Variants in CD177 observed in about 807,000 individuals in gnomAD.
CD177 encodes the protein CD177 antigen.
Under a neutral mutation model 38.1 loss-of-function variants are expected in CD177, and 41 were observed. That is an observed-to-expected ratio of 1.07 (90% confidence interval 0.84 to 1.39). CD177 has a LOEUF of 1.39. Among genes scored for constraint, CD177 ranks in the 40% most tolerant of loss-of-function variants. CD177 has a pLI of 0.00. For missense variants in CD177, 619 were observed against 523.8 expected, an observed-to-expected ratio of 1.18 and a Z score of -1.77; for synonymous variants, 236 against 216.7, an observed-to-expected ratio of 1.09 and a Z score of -0.78.
chr19:43,354,576 CACT>C, intron 3 of CD177, 184 bp downstream of exon 3: 1 of 640,798 alleles, frequency 1.6e-6, no homozygotes, highest in Non-Finnish European at 2.7e-6. Context: ...CCTCCCCACT[CACT>C]CCCGATCCCT....
chr19:43,364,215 A>G (rs1174741128), downstream of CD177, among the ~76,000 whole-genome samples: 1 of 152,240 alleles, frequency 6.6e-6, no homozygotes, highest in Admixed American at 6.5e-5. Context: ...TTCTTCACCC[A>G]CAATGAGAGA....
At position 43,361,567 on chromosome 19, in the gene CD177, C is replaced by T; in HGVS notation, c.1069C>T (p.His357Tyr). 6.4e-7 allele frequency: 1 copy of T among 1,568,990 alleles called. No homozygotes were observed. Among genetic ancestry groups the T allele is most frequent in the Non-Finnish European group, 8.7e-7 (1 of 1,155,318 alleles). The change falls in exon 8 of 9, where the codon CAT (histidine) becomes TAT (tyrosine). Residue 357 changes from histidine (H) to tyrosine (Y), a missense_variant. Transcript: ENST00000618265. ...GATHCYDGYIHLSGGGLSTKM... is the reference protein window; with the variant it reads ...GATHCYDGYIYLSGGGLSTKM... The stretch of plus-strand genomic sequence containing the variant: ...CACTCATTGTTATGATGGGTACATT[C>T]ATCTCTCAGGAGGTGAGTGCTGCAA...
At position 43,353,968 on chromosome 19, in the gene CD177, G is replaced by C. The variant is rs201150439; in HGVS notation, c.168G>C (p.Gln56His). ...NTSCDSGLGC[Q>H]DTLMLIESGP... is the part of the protein sequence containing the mutation. ...GCTGCGACAGCGGCTTGGGGTGCCA[G>C]GACACGTTGATGCTCATTGAGAGCG... The change falls in exon 2 of 9, where the codon CAG becomes CAC. Residue 56 changes from glutamine (Q) to histidine (H), a missense_variant. By Grantham distance (24) the Gln-to-His change is conservative. Transcript: ENST00000618265. 1,379 of 1,613,884 alleles carry C rather than the reference G, an allele frequency of 8.5e-4. 3 individuals are homozygous for C. Among genetic ancestry groups the C allele is most frequent in the Middle Eastern group, 9.9e-4 (6 of 6,056 alleles).
In CD177 at chr19:43,363,036, T is replaced by G. The variant is rs1392301833; in HGVS notation, c.*716T>G. 1 of 152,232 alleles carries G rather than the reference T, an allele frequency of 6.6e-6. No individual in the cohort carries two copies. The highest frequency in any genetic ancestry group is 1.5e-5 in the Non-Finnish European group (1 of 68,054). 9.4% of individuals were successfully genotyped at this position (152,232 alleles called of 1,614,324 possible). A position where few individuals can be genotyped will look rare whatever the true frequency, so the allele number is the denominator to read the frequency against. Reference sequence around the variant, plus strand: ...GATGGACGCTAGAGTCGACTGCTCCTAGGCTACAAGCCTGCAGTGCATGTT... The same window carrying G: ...GATGGACGCTAGAGTCGACTGCTCCGAGGCTACAAGCCTGCAGTGCATGTT... On this transcript the variant is annotated 3_prime_UTR_variant, in exon 9 of 9. Transcript: ENST00000618265.
chr19:43,363,194 G>A (rs1012994214), downstream of CD177: 3 of 152,282 alleles, frequency 2.0e-5, no homozygotes, highest in Non-Finnish European at 2.9e-5. Context: ...TACGCAATTC[G>A]TCGCTGACCC....
chr19:43,362,110 C>T lies in CD177; in HGVS notation c.1104C>T (p.Ser368=). 2 of 1,613,722 alleles carry T rather than the reference C, an allele frequency of 1.2e-6. No homozygotes were observed. Among genetic ancestry groups the T allele is most frequent in the Non-Finnish European group, 1.7e-6 (2 of 1,179,694 alleles). ...LSGGGLSTKM[S]IQGCVAQPSS... is the part of the protein sequence containing the mutation. Reference sequence around the variant, plus strand: ...TAGGTGGGCTGTCCACCAAAATGAGCATTCAGGGCTGCGTGGCCCAACCTT... The same window carrying T: ...TAGGTGGGCTGTCCACCAAAATGAGTATTCAGGGCTGCGTGGCCCAACCTT... The change falls in exon 9 of 9, where the codon AGC becomes AGT. Residue 368 remains serine (S), a synonymous_variant. Transcript: ENST00000618265.
At chr19:43,355,896 G>T (rs2286403) in intron 4 of CD177, 96 bp from the exon 5 acceptor site, 409,739 of 1,425,744 alleles carry the variant, frequency 0.29, 65,158 homozygotes, top group East Asian at 0.67. Flanking sequence ...ACCCAGAGGA[G>T]GGTGGGCCTG....
rs1476803874 is a variant in CD177 at position 43,362,032 on chromosome 19, T to G, written c.1082-56T>G. The G allele has an allele frequency of 2.0e-6, 3 of 1,509,954 alleles. No homozygotes were observed. In the East Asian group the frequency reaches 6.8e-5, roughly 34 times the overall value. 93.5% of individuals were successfully genotyped at this position (1,509,954 alleles called of 1,614,324 possible). A position where few individuals can be genotyped will look rare whatever the true frequency, so the allele number is the denominator to read the frequency against. On this transcript the variant is annotated intron_variant, in intron 8 of 8. Coordinates refer to ENST00000618265, the MANE Select transcript of CD177 (RefSeq NM_020406.4). ...GGTCTGGGGCCTGGACTCCTGGGTT[T>G]ACAACTTGGCTGGGCTGTACTCTGT...
In CD177 at chr19:43,361,526, C is replaced by T. The variant is rs202099095; in HGVS notation, c.1028C>T (p.Thr343Ile). 6.3e-7 allele frequency: 1 copy of T among 1,590,946 alleles called. No individual in the cohort carries two copies. The highest frequency in any genetic ancestry group is 8.6e-7 in the Non-Finnish European group (1 of 1,164,872). The change falls in exon 8 of 9, where the codon ACC becomes ATC. Residue 343 changes from threonine to isoleucine, a missense_variant. Physicochemically the swap from Thr to Ile is moderately conservative, Grantham distance 89 (BLOSUM62 -1). Coordinates refer to ENST00000618265, the MANE Select transcript of CD177 (RefSeq NM_020406.4). ...GTCSSGSPRM[T>I]CPRGATHCYD... ...TGTTCAAGTGGCTCCCCCCGAATGA[C>T]CTGCCCCAGGGGCGCCACTCATTGT...
Position 43,355,646 on chromosome 19 carries a change from C to A in CD177, c.380-15C>A. On this transcript the variant is annotated splice_polypyrimidine_tract_variant and intron_variant, in intron 3 of 8. Coordinates refer to ENST00000618265, the MANE Select transcript of CD177 (RefSeq NM_020406.4). ...CCCTCTCAGTGCCCCCTCACTCTGT[C>A]TGTCACTTTCCTAGACCCAGGATCC... is the stretch of plus-strand genomic sequence containing the variant. 6.2e-7 allele frequency: 1 copy of A among 1,612,470 alleles called. No homozygotes were observed. Among genetic ancestry groups the A allele is most frequent in the Non-Finnish European group, 8.5e-7 (1 of 1,179,070 alleles).
Position 43,362,432 on chromosome 19 carries a change from A to C in CD177, c.*112A>C. ...AGATTCTTTCCCATTCTGTCCATGA[A>C]TCATCTTCCCCACACACAATCATTC... On this transcript the variant is annotated 3_prime_UTR_variant, in exon 9 of 9. Transcript: ENST00000618265. The C allele has an allele frequency of 1.7e-6, 1 of 591,972 alleles. No homozygotes were observed. Among genetic ancestry groups the C allele is most frequent in the South Asian group, 2.1e-5 (1 of 47,416 alleles). The allele number at this position is 591,972 out of a possible 1,614,324, so 36.7% of individuals were successfully genotyped here.
rs556694607 is a variant in CD177, at chr19:43,361,696, C to A, written c.1081+117C>A. 14 of 1,074,012 alleles carry A rather than the reference C, an allele frequency of 1.3e-5. No individual in the cohort carries two copies. The African/African-American group carries it at 1.5e-4, about 11-fold the overall frequency. The allele number at this position is 1,074,012 out of a possible 1,614,324, so 66.5% of individuals were successfully genotyped here. On this transcript the variant is annotated intron_variant, in intron 8 of 8. Transcript: ENST00000618265. ...GGTCCGAGGGAGGAGGCGCTGGGGG[C>A]CTGGACTCCTGGTCCGAGGGAGGAG...
intron 6 of CD177, 187 bp downstream of exon 6, chr19:43,360,592 A>C: frequency 1.6e-6 from 1 of 628,502 alleles, no homozygotes; most frequent in Admixed American, 3.0e-5. Context: ...AGTGGGAATG[A>C]CAGTGTCTGC....
chr19:43,364,449 A>T (rs144019992), downstream of CD177, among the ~76,000 whole-genome samples: 259 of 152,228 alleles, frequency 1.7e-3, 7 homozygotes, highest in East Asian at 0.045. Flanking sequence ...TTTTCCATGG[A>T]ACAGGGCCCT....
rs1969979954 is a variant in CD177, at chr19:43,362,178, CTG to C, written c.1173_1174del (p.Arg393Ter). The C allele has an allele frequency of 3.1e-6, 5 of 1,613,592 alleles. No individual in the cohort carries two copies. Among genetic ancestry groups the C allele is most frequent in the Admixed American group, 1.7e-5 (1 of 59,988 alleles). ...CACACCAGACAAATCGGGATCTTCTCTGCGCGTGAGAAGCGTGATGTGCAGCC... is the reference window on the plus strand; with the variant it reads ...CACACCAGACAAATCGGGATCTTCTCCGCGTGAGAAGCGTGATGTGCAGCC... On this transcript the variant is annotated frameshift_variant, in exon 9 of 9. Transcript: ENST00000618265. LOFTEE classifies it low-confidence loss of function (END_TRUNC).
chr19:43,365,812 G>C (rs1970021553), downstream of CD177, among the ~76,000 whole-genome samples: 1 of 151,922 alleles, frequency 6.6e-6, no homozygotes, highest in African/African-American at 2.4e-5. Flanking sequence ...GTGGTAGAGG[G>C]AGGGGCAGAA....
At position 43,354,199 on chromosome 19, in the gene CD177, C is replaced by T. The variant is rs766091300; in HGVS notation, c.194-8C>T. 7 of 1,609,954 alleles carry T rather than the reference C, an allele frequency of 4.3e-6. No individual in the cohort carries two copies. The highest frequency in any genetic ancestry group is 1.1e-5 in the South Asian group (1 of 90,570). On this transcript the variant is annotated splice_polypyrimidine_tract_variant and splice_region_variant and intron_variant, in intron 2 of 8. Transcript: ENST00000618265. ...TCCATCCTCGCTTGCCTCCCTCTTT[C>T]GGTCCAGGACCCCAAGTGAGCCTGG...
downstream of CD177, among the ~76,000 whole-genome samples, chr19:43,364,479 C>T (rs1970013212): frequency 6.6e-6 from 1 of 151,932 alleles, no homozygotes; most frequent in African/African-American, 2.4e-5. Flanking sequence ...AATGTTACCG[C>T]CATGAGTTGC....
intron 8 of CD177, 61 bp from the exon 9 acceptor site, chr19:43,362,027 G>A: frequency 6.9e-7 from 1 of 1,458,478 alleles, no homozygotes; most frequent in East Asian, 2.3e-5. Flanking sequence ...CTGGACTCCT[G>A]GGTTTACAAC....
Sources: gnomAD v4.1 joint callset for allele counts (sites outside exome capture counted in the v4.1 genomes callset) on GRCh38, gnomAD v4.1.1 for gene constraint, MANE v1.5 for transcripts, NCBI Gene and HGNC (gene_info 2026-07-23, HGNC 2026-07-21) for gene names.